Variants in ZNF799 observed in about 807,000 individuals in gnomAD.
ZNF799 encodes the protein zinc finger protein 799, also known as zinc finger protein 14.
In ZNF799, 28 loss-of-function variants were observed where a neutral mutation model predicts 41.0. That is an observed-to-expected ratio of 0.68 (90% CI 0.51 to 0.94). The LOEUF is 0.94. ZNF799 is among the 40% of genes least tolerant of loss of function. The pLI, the probability that ZNF799 is intolerant of heterozygous loss-of-function variation, is 0.00. For missense variants in ZNF799, 716 were observed against 764.3 expected, an observed-to-expected ratio of 0.94 and a Z score of 0.74; for synonymous variants, 213 against 252.9, an observed-to-expected ratio of 0.84 and a Z score of 1.50.
intron 1 of ZNF799, 54 bp downstream of exon 1, chr19:12,401,014 G>T: frequency 1.2e-6 from 2 of 1,613,720 alleles, no homozygotes; most frequent in South Asian, 2.2e-5. Flanking sequence ...GCCGATTACT[G>T]CAGGTTCCAC....
At position 12,395,603 on chromosome 19, in the gene ZNF799, G is replaced by T. The variant is rs544136088; in HGVS notation, c.4-2180C>A. ...AGACCAACTAAGTCATGGAGAAAAA[G>T]AGCTGAAGAGAAAATGTCCTCCAGA... On this transcript the variant is annotated intron_variant, in intron 1 of 3. Coordinates refer to ENST00000430385, the MANE Select transcript of ZNF799 (RefSeq NM_001080821.3). Among the ~76,000 whole-genome samples, 232 of 152,326 alleles carry T rather than the reference G, an allele frequency of 1.5e-3. 4 individuals carry two copies. The highest frequency in any genetic ancestry group is 1.9e-4 in the East Asian group (1 of 5,182).
At chr19:12,414,741 A>G in the ZNF799 span, among the ~76,000 whole-genome samples, 2 of 152,230 alleles carry the variant, frequency 1.3e-5, no homozygotes, top group Non-Finnish European at 2.9e-5. Context: ...AGAAACATGA[A>G]CTAGCTCAAA....
At chr19:12,400,799 CA>C (rs1568505200) in intron 1 of ZNF799, 5 of 589,990 alleles carry the variant, frequency 8.5e-6, no homozygotes, top group South Asian at 8.2e-5. Context: ...TACAGCCGCA[CA>C]ATCTCGGGAG....
Position 12,391,056 on chromosome 19 carries a change from G to A in ZNF799, c.1342C>T (p.Pro448Ser), listed in dbSNP as rs1568500636. The change falls in exon 4 of 4, where the codon CCC becomes TCC. Residue 448 changes from proline (P) to serine (S), a missense_variant. Pro to Ser is a moderately conservative substitution (Grantham distance 74). Coordinates refer to ENST00000430385, the MANE Select transcript of ZNF799 (RefSeq NM_001080821.3). ...RHETTHTGEK[P>S]YKCKCGKAFI... ...GCTTTCCCACATTTGCATTTATAGG[G>A]TTTCTCTCCAGTATGAGTTGTTTCA... 1 of 1,614,102 alleles carries A rather than the reference G, an allele frequency of 6.2e-7. No individual in the cohort carries two copies. The highest frequency in any genetic ancestry group is 2.2e-5 in the East Asian group (1 of 44,876).
At chr19:12,398,479 T>G (rs1193267723) in intron 1 of ZNF799, among the ~76,000 whole-genome samples, 1 of 152,226 alleles carries the variant, frequency 6.6e-6, no homozygotes, top group East Asian at 1.9e-4. Flanking sequence ...ATTTTATACC[T>G]CAACAGGAAA....
chr19:12,410,254 CATATATATATATATATATATATATATAT>C, the ZNF799 span, among the ~76,000 whole-genome samples: 192 of 62,000 alleles, frequency 3.1e-3, 3 homozygotes, highest in Admixed American at 5.3e-3. Flanking sequence ...TGTCTGTGTG[CATATATATATATATATATATATATATAT>C]ATATATATAT....
the ZNF799 span, among the ~76,000 whole-genome samples, chr19:12,411,522 T>C: frequency 6.6e-6 from 1 of 152,152 alleles, no homozygotes; most frequent in African/African-American, 2.4e-5. Flanking sequence ...GCTCATCATC[T>C]TCACATACAA....
chr19:12,414,033 A>G, the ZNF799 span, among the ~76,000 whole-genome samples: 3 of 152,162 alleles, frequency 2.0e-5, no homozygotes, highest in East Asian at 3.9e-4. Context: ...AGTGTGCCAG[A>G]GGCTGCCACA....
intron 1 of ZNF799, among the ~76,000 whole-genome samples, chr19:12,397,960 G>A (rs1969922880): frequency 1.3e-5 from 2 of 152,136 alleles, no homozygotes. Context: ...CTAATCAAAA[G>A]CCATATGGGG....
chr19:12,395,244 A>G (rs1323546307), intron 1 of ZNF799: 1 of 148,654 alleles, frequency 6.7e-6, no homozygotes, highest in Admixed American at 6.9e-5. Context: ...GGTTCAAGTT[A>G]TTCCACCCAG....
In ZNF799 at chr19:12,401,081, C is replaced by A; in HGVS notation, c.-11G>T. ...CAGCACACGCACCATTTCCCGACTTCCGCGGTGTCCCAGGTCCTCCGGACG... is the reference window on the plus strand; with the variant it reads ...CAGCACACGCACCATTTCCCGACTTACGCGGTGTCCCAGGTCCTCCGGACG... On this transcript the variant is annotated 5_prime_UTR_variant, in exon 1 of 4. Transcript: ENST00000430385. 8 of 1,613,928 alleles carry A rather than the reference C, an allele frequency of 5.0e-6. No homozygotes were observed. The highest frequency in any genetic ancestry group is 6.8e-6 in the Non-Finnish European group (8 of 1,179,886).
At position 12,391,642 on chromosome 19, in the gene ZNF799, C is replaced by T. The variant is rs748768266; in HGVS notation, c.756G>A (p.Leu252=). The change falls in exon 4 of 4, where the codon CTG becomes CTA. Residue 252 remains leucine (L), a synonymous_variant. Coordinates refer to ENST00000430385, the MANE Select transcript of ZNF799 (RefSeq NM_001080821.3). The part of the protein sequence containing the change: ...RHERTHTGEK[L]YECKQCSKAF... The stretch of plus-strand genomic sequence containing the variant: ...CTTTAGAACACTGTTTACATTCATA[C>T]AGTTTCTCCCCAGTATGTGTTCTTT... 16 of 1,611,438 alleles carry T rather than the reference C, an allele frequency of 9.9e-6. No homozygotes were observed. The Admixed American group carries it at 1.3e-4, about 13-fold the overall frequency.
chr19:12,396,938 A>G (rs536338163), intron 1 of ZNF799, among the ~76,000 whole-genome samples: 1 of 152,332 alleles, frequency 6.6e-6, no homozygotes, highest in East Asian at 1.9e-4. Flanking sequence ...ACACACACAC[A>G]AACACACAAA....
rs2144911810 is a variant in ZNF799, at chr19:12,401,260, C to T, written c.-190G>A. On this transcript the variant is annotated 5_prime_UTR_variant, in exon 1 of 4. Transcript: ENST00000430385. Reference sequence around the variant, plus strand: ...CAACCACACACTCCTCTGGGAAGCGCGCCTGATTGACAGTTCCCACGAACC... The same window carrying T: ...CAACCACACACTCCTCTGGGAAGCGTGCCTGATTGACAGTTCCCACGAACC... The T allele has an allele frequency of 7.2e-7, 1 of 1,390,666 alleles. No individual in the cohort carries two copies. Among genetic ancestry groups the T allele is most frequent in the East Asian group, 2.5e-5 (1 of 39,674 alleles). The allele number at this position is 1,390,666 out of a possible 1,614,324, so 86.1% of individuals were successfully genotyped here.
At chr19:12,413,975 C>T in the ZNF799 span, among the ~76,000 whole-genome samples, 1 of 152,208 alleles carries the variant, frequency 6.6e-6, no homozygotes, top group Admixed American at 6.5e-5. Flanking sequence ...CTGGCTTCCA[C>T]GGTGTCCCGG....
Position 12,390,710 on chromosome 19 carries a change from T to G in ZNF799, c.1688A>C (p.Gln563Pro), listed in dbSNP as rs544927711. The G allele has an allele frequency of 1.1e-4, 182 of 1,613,900 alleles. No individual in the cohort carries two copies. The East Asian group carries it at 3.4e-3, about 30-fold the overall frequency. Residue 563 changes from glutamine to proline, a missense_variant, in exon 4 of 4, where the codon CAA (glutamine) becomes CCA (proline). This residue lies in a region of ZNF799 where 698 missense variants were observed against 713.6 expected (regional missense o/e 0.98). Transcript: ENST00000430385. The stretch of plus-strand genomic sequence containing the variant: ...ATGAGTGAAGGCTTTACCACATTGT[T>G]GACACTCATAGGGTTTCTCTCTCAT... The part of the protein sequence containing the change: ...IHMREKPYEC[Q>P]QCGKAFTHSR...
intron 1 of ZNF799, chr19:12,394,577 C>G (rs1023748452): frequency 2.0e-6 from 2 of 985,210 alleles, no homozygotes; most frequent in Non-Finnish European, 2.4e-6. Flanking sequence ...ATCAAATGTA[C>G]TGAAGTATGA....
Position 12,391,873 on chromosome 19 carries a change from C to G in ZNF799, c.525G>C (p.Gly175=). ...GKKPYNCKEC[G]KSFSSLGNLQ... Reference sequence around the variant, plus strand: ...GGTTTCCCAAAGAACTGAAGGACTTCCCACATTCTTTACAATTATATGGTT... The same window carrying G: ...GGTTTCCCAAAGAACTGAAGGACTTGCCACATTCTTTACAATTATATGGTT... The change falls in exon 4 of 4, where the codon GGG becomes GGC. Residue 175 remains glycine, a synonymous_variant. Transcript: ENST00000430385. The G allele has an allele frequency of 6.2e-7, 1 of 1,614,172 alleles. No individual in the cohort carries two copies. The highest frequency in any genetic ancestry group is 8.5e-7 in the Non-Finnish European group (1 of 1,180,018).
At chr19:12,400,957 T>C in intron 1 of ZNF799, 111 bp downstream of exon 1, 1 of 1,590,986 alleles carries the variant, frequency 6.3e-7, no homozygotes, top group Non-Finnish European at 8.6e-7. Flanking sequence ...GGAACCCGGG[T>C]CCGTAGATCC....
Sources: allele counts gnomAD v4.1 joint callset (sites outside exome capture counted in the v4.1 genomes callset), GRCh38; gene constraint gnomAD v4.1.1; regional missense constraint gnomAD v4.1.1; transcripts MANE v1.5; gene names NCBI Gene and HGNC (gene_info 2026-07-23, HGNC 2026-07-21).